DOCK2: variants seen among roughly 807,000 people sequenced by gnomAD.
DOCK2 encodes the protein dedicator of cytokinesis protein 2.
Under a neutral mutation model 248.9 loss-of-function variants are expected in DOCK2, and 87 were observed. That is an observed-to-expected ratio of 0.35 (90% CI 0.29 to 0.42). The LOEUF is 0.42. Among genes scored for constraint, DOCK2 ranks in the 10% least tolerant of loss-of-function variants. DOCK2 has a pLI of 1.00. For synonymous variants in DOCK2, 805 were observed against 821.6 expected (o/e 0.98, Z 0.35); for missense variants, 1,747 against 2,300.2 (o/e 0.76, Z 4.92).
At chr5:169,811,934 C>G (rs914728431) in intron 26 of DOCK2, among the ~76,000 whole-genome samples, 35 of 152,222 alleles carry the variant, frequency 2.3e-4, no homozygotes, top group African/African-American at 7.0e-4. Flanking sequence ...ATCCATTCCA[C>G]AAATATTTAG....
chr5:169,747,621 G>C, intron 23 of DOCK2, 117 bp downstream of exon 23: 1 of 843,312 alleles, frequency 1.2e-6, no homozygotes, highest in Non-Finnish European at 1.8e-6. Context: ...TGAAGGCCTG[G>C]GCTGGCCACT....
intron 27 of DOCK2, among the ~76,000 whole-genome samples, chr5:169,978,917 G>A (rs1777836098): frequency 6.6e-6 from 1 of 152,132 alleles, no homozygotes; most frequent in African/African-American, 2.4e-5. Flanking sequence ...CAATCGGAGC[G>A]AGGTGACACT....
At chr5:169,961,978 C>CTAAAAAAAAAAAAAAA in intron 27 of DOCK2, among the ~76,000 whole-genome samples, 2 of 74,654 alleles carry the variant, frequency 2.7e-5, no homozygotes, top group South Asian at 5.0e-4. Context: ...GACTCTGTCC[C>CTAAAAAAAAAAAAAAA]AAAAAAAAAA....
At chr5:169,807,228 C>T (rs1056838939) in intron 26 of DOCK2, among the ~76,000 whole-genome samples, 3 of 152,150 alleles carry the variant, frequency 2.0e-5, no homozygotes, top group Non-Finnish European at 2.9e-5. Flanking sequence ...TGTCAGCCAG[C>T]ATGAAGAGCC....
intron 27 of DOCK2, among the ~76,000 whole-genome samples, chr5:169,899,706 G>T (rs980085271): frequency 1.3e-4 from 20 of 152,302 alleles, no homozygotes; most frequent in African/African-American, 4.8e-4. Flanking sequence ...GCCATCCAAA[G>T]TGAGACTTTC....
At chr5:169,690,580 AT>A (rs1760240884) in intron 9 of DOCK2, among the ~76,000 whole-genome samples, 1 of 152,204 alleles carries the variant, frequency 6.6e-6, no homozygotes, top group Non-Finnish European at 1.5e-5. Context: ...GCATATATAG[AT>A]GTGCCTCCAT....
chr5:169,746,409 G>GTTAA (rs1561658229), intron 22 of DOCK2, among the ~76,000 whole-genome samples: 1 of 152,160 alleles, frequency 6.6e-6, no homozygotes. Flanking sequence ...AAACAAACCT[G>GTTAA]TTAAGTGTGT....
chr5:169,728,626 A>T (rs73318255), intron 22 of DOCK2, among the ~76,000 whole-genome samples: 22,704 of 152,122 alleles, frequency 0.15, 2,662 homozygotes, highest in Admixed American at 0.31. Context: ...AAGTTAGCCA[A>T]CCCTTTCCCA....
intron 22 of DOCK2, among the ~76,000 whole-genome samples, chr5:169,746,103 G>A (rs1010520379): frequency 4.6e-5 from 7 of 152,280 alleles, no homozygotes; most frequent in Middle Eastern, 3.4e-3. Context: ...GAGGGCTTTA[G>A]AGAGGGGGTT....
At chr5:170,060,931 G>A (rs1268820169) in intron 44 of DOCK2, among the ~76,000 whole-genome samples, 1 of 152,096 alleles carries the variant, frequency 6.6e-6, no homozygotes, top group Non-Finnish European at 1.5e-5. Flanking sequence ...TCAGAAGGCT[G>A]AGGCAGGAGA....
chr5:170,032,028 T>A (rs1756154436), intron 34 of DOCK2, among the ~76,000 whole-genome samples: 1 of 108,746 alleles, frequency 9.2e-6, no homozygotes, highest in Non-Finnish European at 1.7e-5. Flanking sequence ...CCAGTTGTTC[T>A]TTTTTTTTTT....
intron 33 of DOCK2, among the ~76,000 whole-genome samples, chr5:170,026,873 C>A (rs747268591): frequency 2.0e-5 from 3 of 152,152 alleles, no homozygotes; most frequent in Non-Finnish European, 4.4e-5. Context: ...TCTCTGAGAC[C>A]TGACATTTGC....
rs116270387 is a variant in DOCK2, at chr5:170,051,778, G to C, written c.4213+1381G>C. 2.7e-3 allele frequency among the ~76,000 whole-genome samples: 409 copies of C among 152,036 alleles called. 2 individuals carry two copies. The highest frequency in any genetic ancestry group is 9.5e-3 in the African/African-American group (392 of 41,466). On this transcript the variant is annotated intron_variant, in intron 41 of 51. Transcript: ENST00000520908. ...CCCAGTAAATATTTGTTGATTAATA[G>C]AAATAAAAAGAAAACAACACAGAAA...
chr5:169,747,875 A>G (rs1459466020), intron 23 of DOCK2, among the ~76,000 whole-genome samples: 1 of 152,220 alleles, frequency 6.6e-6, no homozygotes, highest in Non-Finnish European at 1.5e-5. Context: ...TCCTCAATAA[A>G]CAAGAGGTGC....
intron 21 of DOCK2, among the ~76,000 whole-genome samples, 165 bp from the exon 22 acceptor site, chr5:169,718,492 A>G (rs1762020273): frequency 6.6e-6 from 1 of 151,994 alleles, no homozygotes; most frequent in South Asian, 2.1e-4. Context: ...AATTCCCTGT[A>G]ATAAATATAA....
At chr5:169,797,982 G>A (rs981723000) in intron 25 of DOCK2, among the ~76,000 whole-genome samples, 8 of 152,270 alleles carry the variant, frequency 5.3e-5, no homozygotes, top group African/African-American at 1.9e-4. Flanking sequence ...TGAAAAACAG[G>A]CCATGTTATT....
At chr5:169,837,085 T>C (rs978117411) in intron 26 of DOCK2, among the ~76,000 whole-genome samples, 4 of 152,194 alleles carry the variant, frequency 2.6e-5, no homozygotes, top group African/African-American at 9.6e-5. Flanking sequence ...CCAGCTCACC[T>C]TCTGCTGTGT....
chr5:169,878,297 A>G (rs1438768930), intron 27 of DOCK2, among the ~76,000 whole-genome samples: 1 of 151,144 alleles, frequency 6.6e-6, no homozygotes, highest in Non-Finnish European at 1.5e-5. Flanking sequence ...AAGATTCCCC[A>G]TACCATCTAC....
intron 23 of DOCK2, among the ~76,000 whole-genome samples, chr5:169,756,774 A>T (rs778509917): frequency 6.6e-6 from 1 of 152,010 alleles, no homozygotes; most frequent in South Asian, 2.1e-4. Flanking sequence ...AAAAATACAA[A>T]ATTAGCTGGA....
Sources: gnomAD v4.1 joint callset for allele counts (sites outside exome capture counted in the v4.1 genomes callset) on GRCh38, gnomAD v4.1.1 for gene constraint, MANE v1.5 for transcripts, NCBI Gene and HGNC (gene_info 2026-07-23, HGNC 2026-07-21) for gene names.